Variants in STT3B observed in about 807,000 individuals in gnomAD.
The protein encoded by STT3B is STT3 oligosaccharyltransferase complex catalytic subunit B.
A neutral mutation model predicts 96.8 loss-of-function variants in STT3B; 29 were observed. That is an observed-to-expected ratio of 0.30 (90% CI 0.22 to 0.41). The LOEUF (loss-of-function observed/expected upper bound fraction) is 0.41, where lower values mean the gene tolerates loss of function less well. STT3B is among the 10% of genes least tolerant of loss of function. STT3B has a pLI of 1.00. For synonymous variants in STT3B, 367 were observed against 360.0 expected (o/e 1.02, Z -0.22); for missense variants, 640 against 1,022.3 (o/e 0.63, Z 5.10).
chr3:31,597,765 T>C (rs1329051682), intron 4 of STT3B, among the ~76,000 whole-genome samples: 1 of 152,152 alleles, frequency 6.6e-6, no homozygotes, highest in African/African-American at 2.4e-5. Flanking sequence ...GTTTTTTAAC[T>C]TTTTAATGAC....
intron 1 of STT3B, among the ~76,000 whole-genome samples, chr3:31,572,158 T>C (rs1297103495): frequency 7.3e-6 from 1 of 137,670 alleles, no homozygotes; most frequent in Non-Finnish European, 1.5e-5. Flanking sequence ...ATATATAATA[T>C]AATATATAGC....
At chr3:31,571,748 G>C (rs1698142593) in intron 1 of STT3B, among the ~76,000 whole-genome samples, 1 of 151,840 alleles carries the variant, frequency 6.6e-6, no homozygotes, top group Non-Finnish European at 1.5e-5. Context: ...CATGTATTAG[G>C]CTCAGATGCC....
chr3:31,581,135 A>G (rs1421585767), intron 3 of STT3B, among the ~76,000 whole-genome samples: 1 of 152,170 alleles, frequency 6.6e-6, no homozygotes, highest in East Asian at 1.9e-4. Flanking sequence ...AGCAGTACAA[A>G]TCATACTATG....
chr3:31,637,025 T>G lies in STT3B; in HGVS notation c.*961T>G, dbSNP rs1699764883. The G allele has an allele frequency of 6.6e-6, 1 of 152,222 alleles. No homozygotes were observed. Among genetic ancestry groups the G allele is most frequent in the African/African-American group, 2.4e-5 (1 of 41,462 alleles). The allele number at this position is 152,222 out of a possible 1,614,324, so 9.4% of individuals were successfully genotyped here. On this transcript the variant is annotated 3_prime_UTR_variant, in exon 16 of 16. Coordinates refer to ENST00000295770, the MANE Select transcript of STT3B (RefSeq NM_178862.3). ...CAACAGTTCATCCATTCACAATGATTTTGTTCTCTGCTCCATATTTTTTAA... is the reference window on the plus strand; with the variant it reads ...CAACAGTTCATCCATTCACAATGATGTTGTTCTCTGCTCCATATTTTTTAA...
At chr3:31,534,175 G>A (rs1326188329) in intron 1 of STT3B, among the ~76,000 whole-genome samples, 6 of 152,160 alleles carry the variant, frequency 3.9e-5, no homozygotes, top group Admixed American at 2.0e-4. Flanking sequence ...TTATTGGTCT[G>A]CAGGAAGGTT....
chr3:31,590,586 T>C (rs188478123), intron 3 of STT3B, among the ~76,000 whole-genome samples: 1 of 152,120 alleles, frequency 6.6e-6, no homozygotes, highest in Non-Finnish European at 1.5e-5. Flanking sequence ...GGGGTTTTCT[T>C]AGCATACTTT....
At chr3:31,628,747 G>C (rs554424246) in intron 13 of STT3B, among the ~76,000 whole-genome samples, 35 of 152,250 alleles carry the variant, frequency 2.3e-4, no homozygotes, top group Non-Finnish European at 3.8e-4. Context: ...AAGGAGTAAC[G>C]GAGATGAGGA....
intron 3 of STT3B, among the ~76,000 whole-genome samples, chr3:31,585,216 A>G (rs1698508537): frequency 6.6e-6 from 1 of 152,092 alleles, no homozygotes; most frequent in Admixed American, 6.6e-5. Context: ...TACAGAGATT[A>G]AAACATTTTC....
Position 31,533,091 on chromosome 3 carries a change from C to G in STT3B, c.93C>G (p.His31Gln). The G allele has an allele frequency of 6.6e-7, 1 of 1,520,142 alleles. No homozygotes were observed. Among genetic ancestry groups the G allele is most frequent in the Admixed American group, 2.1e-5 (1 of 46,792 alleles). 94.2% of individuals were successfully genotyped at this position (1,520,142 alleles called of 1,614,324 possible). A position where few individuals can be genotyped will look rare whatever the true frequency, so the allele number is the denominator to read the frequency against. The change falls in exon 1 of 16, where the codon CAC becomes CAG. Residue 31 changes from histidine (H) to glutamine (Q), a missense_variant. Coordinates refer to ENST00000295770, the MANE Select transcript of STT3B (RefSeq NM_178862.3). ...SGLMALGNSR[H>Q]GHHGPGAQCA... Reference sequence around the variant, plus strand: ...TCATGGCCCTGGGAAACAGCCGGCACGGCCACCACGGGCCCGGGGCCCAGT... The same window carrying G: ...TCATGGCCCTGGGAAACAGCCGGCAGGGCCACCACGGGCCCGGGGCCCAGT...
chr3:31,543,504 C>T (rs1001542565), intron 1 of STT3B, among the ~76,000 whole-genome samples: 1 of 152,186 alleles, frequency 6.6e-6, no homozygotes, highest in Non-Finnish European at 1.5e-5. Flanking sequence ...GATCCTTTAT[C>T]TTTAATGGTA....
intron 12 of STT3B, 87 bp downstream of exon 12, chr3:31,625,172 G>A (rs1699509480): frequency 8.3e-7 from 1 of 1,201,574 alleles, no homozygotes; most frequent in Non-Finnish European, 1.2e-6. Context: ...GGAAAAATGT[G>A]GGTGAAAAGT....
chr3:31,547,112 A>T (rs1697432121), intron 1 of STT3B, among the ~76,000 whole-genome samples: 1 of 152,130 alleles, frequency 6.6e-6, no homozygotes, highest in Admixed American at 6.6e-5. Flanking sequence ...GAGTGGACTG[A>T]GGACGTTTGA....
chr3:31,550,944 G>C (rs1697538961), intron 1 of STT3B, among the ~76,000 whole-genome samples: 1 of 151,970 alleles, frequency 6.6e-6, no homozygotes, highest in African/African-American at 2.4e-5. Flanking sequence ...ACTTTACCTT[G>C]GTTGTTCTCT....
At chr3:31,590,135 A>G (rs1405136387) in intron 3 of STT3B, among the ~76,000 whole-genome samples, 4 of 151,922 alleles carry the variant, frequency 2.6e-5, no homozygotes, top group Non-Finnish European at 5.9e-5. Flanking sequence ...GAAATTGTTC[A>G]TAATATTTCT....
chr3:31,548,618 C>T (rs947940750), intron 1 of STT3B, among the ~76,000 whole-genome samples: 3 of 152,116 alleles, frequency 2.0e-5, no homozygotes, highest in African/African-American at 7.2e-5. Flanking sequence ...ACCACCTCTC[C>T]TCAACCTGTC....
intron 3 of STT3B, among the ~76,000 whole-genome samples, chr3:31,591,705 C>T (rs1400867620): frequency 6.6e-6 from 1 of 151,990 alleles, no homozygotes; most frequent in Non-Finnish European, 1.5e-5. Context: ...TGTATGTTAT[C>T]TACCTAACAA....
chr3:31,616,843 CA>C, intron 6 of STT3B, 85 bp from the exon 7 acceptor site: 7 of 1,189,412 alleles, frequency 5.9e-6, no homozygotes, highest in Non-Finnish European at 8.4e-6. Context: ...TGGTGCAGGA[CA>C]TTCTAAGAAG....
At chr3:31,629,123 A>G in intron 13 of STT3B, 175 bp from the exon 14 acceptor site, 1 of 540,334 alleles carries the variant, frequency 1.9e-6, no homozygotes, top group East Asian at 3.4e-5. Flanking sequence ...ATAATTATTA[A>G]GGCCTTATAA....
chr3:31,550,803 T>G (rs1485445686), intron 1 of STT3B, among the ~76,000 whole-genome samples: 1 of 152,154 alleles, frequency 6.6e-6, no homozygotes, highest in Non-Finnish European at 1.5e-5. Flanking sequence ...GGGGGATTTT[T>G]TTTTTCCATG....
Sources: gnomAD v4.1 joint callset for allele counts (sites outside exome capture counted in the v4.1 genomes callset) on GRCh38, gnomAD v4.1.1 for gene constraint, MANE v1.5 for transcripts, NCBI Gene and HGNC (gene_info 2026-07-23, HGNC 2026-07-21) for gene names.